Variants in MTARC1 observed in about 807,000 individuals in gnomAD.
The protein encoded by MTARC1 is mitochondrial amidoxime reducing component 1.
MTARC1 carries 24 observed loss-of-function variants against 33.6 expected under a neutral mutation model. The observed-to-expected ratio is 0.72, with a 90% CI of 0.52 to 1.01. The LOEUF (loss-of-function observed/expected upper bound fraction) is 1.01. MTARC1 is among the 50% of genes least tolerant of loss of function. The probability of loss-of-function intolerance (pLI) is 0.00; values close to 1 mark genes in which losing one functional copy is unlikely to be tolerated. For missense variants in MTARC1, 417 were observed against 445.7 expected, an observed-to-expected ratio of 0.94 and a Z score of 0.58; for synonymous variants, 187 against 189.5, an observed-to-expected ratio of 0.99 and a Z score of 0.11.
chr1:220,797,075 C>G (rs1672644266), intron 3 of MTARC1, among the ~76,000 whole-genome samples: 1 of 152,152 alleles, frequency 6.6e-6, no homozygotes, highest in Admixed American at 6.5e-5. Flanking sequence ...CTGTTCTGCA[C>G]CAGTGTCTTT....
rs1673220512 is a variant in MTARC1, at chr1:220,814,022, T to C, written c.*604T>C. The C allele has an allele frequency of 6.5e-6, 1 of 154,210 alleles. No individual in the cohort carries two copies. Among genetic ancestry groups the C allele is most frequent in the Admixed American group, 6.4e-5 (1 of 15,670 alleles). The allele number at this position is 154,210 out of a possible 1,614,324, so 9.6% of individuals were successfully genotyped here. ...TGGCCCTGCTGCTTCTCAGACAGCA[T>C]TGGATTTCCTAAAGGTGCTCAGGAG... is the stretch of plus-strand genomic sequence containing the variant. On this transcript the variant is annotated 3_prime_UTR_variant, in exon 7 of 7. Transcript: ENST00000366910.
chr1:220,789,001 C>T (rs1417315106), intron 1 of MTARC1, among the ~76,000 whole-genome samples: 2 of 152,008 alleles, frequency 1.3e-5, no homozygotes, highest in African/African-American at 2.4e-5. Context: ...ATCACACACT[C>T]CCAGAAAGTG....
rs1220389430 is a variant in MTARC1, at chr1:220,816,188, TA to T, written c.*2771del. The T allele has an allele frequency of 2.0e-5, 3 of 152,120 alleles. No individual in the cohort carries two copies. Among genetic ancestry groups the T allele is most frequent in the Non-Finnish European group, 4.4e-5 (3 of 68,042 alleles). 9.4% of individuals were successfully genotyped at this position (152,120 alleles called of 1,614,324 possible). On this transcript the variant is annotated 3_prime_UTR_variant, in exon 7 of 7. Transcript: ENST00000366910. ...GAGTGCATGGGGAGGTTGGGTAAAT[TA>T]GACTAGCCAAATGGGACTTCGGGAA... is the stretch of plus-strand genomic sequence containing the variant.
chr1:220,805,908 C>T (rs1672955868), intron 6 of MTARC1, among the ~76,000 whole-genome samples: 1 of 152,140 alleles, frequency 6.6e-6, no homozygotes, highest in Admixed American at 6.6e-5. Context: ...AGTCAAGATG[C>T]TGTGTTGATT....
intron 2 of MTARC1, chr1:220,794,284 C>G (rs75055640): frequency 2.5e-5 from 3 of 121,188 alleles, no homozygotes; most frequent in Non-Finnish European, 5.4e-5. Flanking sequence ...TTTTTTTTTT[C>G]TCATAGGCAC....
At position 220,787,183 on chromosome 1, in the gene MTARC1, C is replaced by T. The variant is rs145223985; in HGVS notation, c.239C>T (p.Thr80Met). The change falls in exon 1 of 7, where the codon ACG (threonine) becomes ATG (methionine). Residue 80 changes from threonine to methionine, a missense_variant. Transcript: ENST00000366910. ...KGVPVSEAEC[T>M]AMGLRSGNLR... The stretch of plus-strand genomic sequence containing the variant: ...GTGCCGGTGAGCGAGGCGGAGTGCA[C>T]GGCCATGGGGCTGCGCAGCGGCAAC... 7.9e-5 allele frequency: 125 copies of T among 1,579,504 alleles called. No homozygotes were observed. In the African/African-American group the frequency reaches 1.5e-3, roughly 18 times the overall value.
intron 4 of MTARC1, among the ~76,000 whole-genome samples, chr1:220,802,544 CTGGTCTCG>C (rs1672846430): frequency 6.6e-6 from 1 of 152,218 alleles, no homozygotes; most frequent in East Asian, 1.9e-4. Context: ...GTTGGCCAGG[CTGGTCTCG>C]AACTCCTAAC....
At chr1:220,808,748 C>T (rs1673043331) in intron 6 of MTARC1, 2 of 454,322 alleles carry the variant, frequency 4.4e-6, no homozygotes, top group Admixed American at 4.9e-5. Context: ...AAAAGAAATA[C>T]AGAGGCATAG....
chr1:220,797,588 G>C (rs546327551), intron 3 of MTARC1, among the ~76,000 whole-genome samples: 11 of 152,332 alleles, frequency 7.2e-5, no homozygotes, highest in Middle Eastern at 3.4e-3. Flanking sequence ...AGAAATGGGA[G>C]GCTTAGAAAG....
At chr1:220,812,493 G>T (rs1231804259) in intron 6 of MTARC1, among the ~76,000 whole-genome samples, 1 of 152,232 alleles carries the variant, frequency 6.6e-6, no homozygotes. Context: ...GCAAGATCGT[G>T]ACAGTCGGAA....
intron 5 of MTARC1, 36 bp downstream of exon 5, chr1:220,805,149 G>A (rs1407714159): frequency 6.2e-7 from 1 of 1,613,922 alleles, no homozygotes; most frequent in Admixed American, 1.7e-5. Context: ...GGTGGAGGTG[G>A]GGATAAGTTC....
intron 6 of MTARC1, among the ~76,000 whole-genome samples, chr1:220,807,904 G>A (rs1381940595): frequency 6.6e-6 from 1 of 152,080 alleles, no homozygotes; most frequent in African/African-American, 2.4e-5. Flanking sequence ...CCCGGGCTGG[G>A]AGTCAGGAGA....
chr1:220,796,524 T>C, intron 2 of MTARC1, 119 bp from the exon 3 acceptor site: 1 of 1,220,958 alleles, frequency 8.2e-7, no homozygotes, highest in African/African-American at 1.6e-5. Context: ...CATCTTCTGA[T>C]AATTAAGAAA....
intron 2 of MTARC1, among the ~76,000 whole-genome samples, chr1:220,795,426 A>T (rs1219594656): frequency 6.6e-6 from 1 of 152,230 alleles, no homozygotes; most frequent in Non-Finnish European, 1.5e-5. Context: ...GCATAACACC[A>T]CGATGATAGT....
At chr1:220,804,285 A>G (rs967847007) in intron 4 of MTARC1, among the ~76,000 whole-genome samples, 3 of 152,168 alleles carry the variant, frequency 2.0e-5, no homozygotes, top group Admixed American at 2.0e-4. Context: ...ATGCCTCTGA[A>G]TCCCCAGAGT....
chr1:220,800,338 G>T (rs1008698258), intron 4 of MTARC1, among the ~76,000 whole-genome samples: 2 of 152,156 alleles, frequency 1.3e-5, no homozygotes, highest in African/African-American at 4.8e-5. Context: ...TGTGGCATGC[G>T]CTGTGAATAG....
Position 220,797,989 on chromosome 1 carries a change from T to C in MTARC1, c.728T>C (p.Ile243Thr), listed in dbSNP as rs1272202542. Reference protein sequence around the residue: ...KATNFRPNIVISGCDVYAEDS... With the variant: ...KATNFRPNIVTSGCDVYAEDS... ...ACCAACTTCAGGCCCAATATTGTAA[T>C]TTCAGGATGCGATGTCTATGCAGAG... Residue 243 changes from isoleucine to threonine, a missense_variant, in exon 4 of 7, where the codon ATT (isoleucine) becomes ACT (threonine). Physicochemically the swap from Ile to Thr is moderately conservative, Grantham distance 89. Transcript: ENST00000366910. 5 of 1,614,122 alleles carry C rather than the reference T, an allele frequency of 3.1e-6. No individual in the cohort carries two copies. Among genetic ancestry groups the C allele is most frequent in the Non-Finnish European group, 3.4e-6 (4 of 1,180,048 alleles).
intron 1 of MTARC1, among the ~76,000 whole-genome samples, chr1:220,788,011 A>AAAG (rs1558082174): frequency 6.6e-5 from 10 of 152,044 alleles, no homozygotes; most frequent in East Asian, 3.9e-4. Flanking sequence ...CCGAATCAAA[A>AAAG]AAAGAAAGAA....
chr1:220,808,753 G>T, intron 6 of MTARC1: 1 of 461,588 alleles, frequency 2.2e-6, no homozygotes, highest in South Asian at 1.6e-5. Flanking sequence ...AAATACAGAG[G>T]CATAGGGAAG....
Sources: allele counts gnomAD v4.1 joint callset (sites outside exome capture counted in the v4.1 genomes callset), GRCh38; gene constraint gnomAD v4.1.1; transcripts MANE v1.5; gene names NCBI Gene and HGNC (gene_info 2026-07-23, HGNC 2026-07-21).